The following DENND5A variants were observed in gnomAD, a reference collection of about 807,000 sequenced individuals.
DENND5A encodes the protein DENN domain-containing protein 5A.
DENND5A carries 64 observed loss-of-function variants against 140.3 expected under a neutral mutation model. The ratio of observed to expected loss-of-function variants is 0.46; its 90% CI spans 0.37 to 0.56. DENND5A has a LOEUF of 0.56. Ranked by LOEUF, DENND5A falls within the 20% of genes least tolerant of loss-of-function variation. DENND5A has a pLI of 0.00. For synonymous variants in DENND5A, 605 were observed against 607.7 expected (o/e 1.00, Z 0.07); for missense variants, 1,292 against 1,593.8 (o/e 0.81, Z 3.22).
At chr11:9,155,674 A>C (rs1444745381) in intron 12 of DENND5A, among the ~76,000 whole-genome samples, 1 of 152,256 alleles carries the variant, frequency 6.6e-6, no homozygotes, top group Non-Finnish European at 1.5e-5. Flanking sequence ...AGAATGTCAT[A>C]AGCAAGAAAG....
intron 5 of DENND5A, 105 bp from the exon 6 acceptor site, chr11:9,181,189 T>A: frequency 1.1e-6 from 1 of 919,278 alleles, no homozygotes; most frequent in East Asian, 2.6e-5. Context: ...ACACCTGAAA[T>A]GGCTATATTT....
At chr11:9,179,536 G>C (rs1265546369) in intron 6 of DENND5A, among the ~76,000 whole-genome samples, 1 of 122,092 alleles carries the variant, frequency 8.2e-6, no homozygotes, top group African/African-American at 3.1e-5. Context: ...TTTCGCTCTT[G>C]TTGCCCAGGC....
chr11:9,245,120 T>C (rs1851413096), intron 1 of DENND5A, among the ~76,000 whole-genome samples: 1 of 151,054 alleles, frequency 6.6e-6, no homozygotes, highest in South Asian at 2.1e-4. Flanking sequence ...CCGTTTCTAC[T>C]AAAAATACAA....
Position 9,197,311 on chromosome 11 carries a change from A to AT in DENND5A, c.950-3631_950-3630insA, listed in dbSNP as rs1414902500. On this transcript the variant is annotated intron_variant, in intron 4 of 22. Coordinates refer to ENST00000328194, the MANE Select transcript of DENND5A (RefSeq NM_015213.4). The stretch of plus-strand genomic sequence containing the variant: ...CAGAGTGAAACTCCATCTCAAAAAA[A>AT]ATATATATATATAGTGTATTATTAA... 8.8e-3 allele frequency among the ~76,000 whole-genome samples: 1,311 copies of AT among 149,212 alleles called. 15 individuals are homozygous for AT. The highest frequency in any genetic ancestry group is 0.014 in the Non-Finnish European group (949 of 67,484).
intron 4 of DENND5A, among the ~76,000 whole-genome samples, chr11:9,197,676 C>A (rs1488751322): frequency 2.0e-5 from 3 of 152,108 alleles, no homozygotes; most frequent in Non-Finnish European, 4.4e-5. Context: ...GCCTGGGCAA[C>A]AGAGCAAGAC....
chr11:9,169,865 G>T lies in DENND5A; in HGVS notation c.2142C>A (p.Asp714Glu). ...QHTEHLRLDN[D>E]QREKYIQEAR... The stretch of plus-strand genomic sequence containing the variant: ...TCTTAAGGTATCTTACCTCCCTCTG[G>T]TCATTATCTAAACGCAGGTGTTCTG... Residue 714 changes from aspartate (D) to glutamate (E), a missense_variant, in exon 10 of 23, where the codon GAC becomes GAA. Asp to Glu is a conservative substitution (Grantham distance 45). This residue lies in a region of DENND5A where 199 missense variants were observed against 189.1 expected (regional missense o/e 1.05). Coordinates refer to ENST00000328194, the MANE Select transcript of DENND5A (RefSeq NM_015213.4). 2 of 1,605,576 alleles carry T rather than the reference G, an allele frequency of 1.2e-6. No homozygotes were observed. The highest frequency in any genetic ancestry group is 1.7e-6 in the Non-Finnish European group (2 of 1,172,332).
intron 1 of DENND5A, among the ~76,000 whole-genome samples, chr11:9,226,497 TTTTTTGTTTTTG>T (rs1192030046): frequency 6.6e-6 from 1 of 152,208 alleles, no homozygotes; most frequent in Non-Finnish European, 1.5e-5. Context: ...ATCTTCAAGG[TTTTTTGTTTTTG>T]TTTTTGTTTT....
At chr11:9,197,908 C>T (rs2133215) in intron 4 of DENND5A, among the ~76,000 whole-genome samples, 24,707 of 152,086 alleles carry the variant, frequency 0.16, 2,222 homozygotes, top group Non-Finnish European at 0.21. Flanking sequence ...CAGTAAAAGA[C>T]TACTTTAGAT....
At chr11:9,185,846 A>G (rs1200217210) in intron 5 of DENND5A, among the ~76,000 whole-genome samples, 1 of 149,040 alleles carries the variant, frequency 6.7e-6, no homozygotes, top group Non-Finnish European at 1.5e-5. Context: ...GTGTGTGTGT[A>G]TCTGTGTCTG....
At chr11:9,210,063 C>G (rs1849823652) in intron 1 of DENND5A, among the ~76,000 whole-genome samples, 1 of 151,826 alleles carries the variant, frequency 6.6e-6, no homozygotes. Flanking sequence ...GCTGAGATCA[C>G]ACCATTATAC....
At chr11:9,196,142 G>C (rs984042114) in intron 4 of DENND5A, among the ~76,000 whole-genome samples, 6 of 152,048 alleles carry the variant, frequency 3.9e-5, no homozygotes, top group Non-Finnish European at 5.9e-5. Flanking sequence ...TAGTAGAGAA[G>C]GAGTTTCATC....
At chr11:9,181,835 ACT>A (rs1488385022) in intron 5 of DENND5A, among the ~76,000 whole-genome samples, 1 of 151,886 alleles carries the variant, frequency 6.6e-6, no homozygotes, top group Non-Finnish European at 1.5e-5. Flanking sequence ...TCCAGATTTG[ACT>A]CTGTTATGAT....
At chr11:9,178,068 GA>G (rs1848603368) in intron 8 of DENND5A, 63 bp downstream of exon 8, 1 of 1,137,108 alleles carries the variant, frequency 8.8e-7, no homozygotes, top group Middle Eastern at 1.9e-4. Flanking sequence ...GCATATTTAG[GA>G]AAAGGGACAT....
intron 1 of DENND5A, among the ~76,000 whole-genome samples, chr11:9,215,507 T>C (rs978005083): frequency 7.9e-5 from 12 of 152,040 alleles, no homozygotes; most frequent in Admixed American, 7.9e-4. Context: ...AGCTGTCCAA[T>C]TCATGGTCTT....
At chr11:9,171,555 G>C (rs1848373929) in intron 8 of DENND5A, 1 of 152,208 alleles carries the variant, frequency 6.6e-6, no homozygotes, top group Non-Finnish European at 1.5e-5. Flanking sequence ...AAAATTCACA[G>C]TGTCTGGCAT....
intron 1 of DENND5A, among the ~76,000 whole-genome samples, chr11:9,258,650 T>G (rs1476423504): frequency 2.6e-5 from 4 of 152,066 alleles, no homozygotes; most frequent in Non-Finnish European, 5.9e-5. Flanking sequence ...CCAGACAAAT[T>G]TTTTGCTTGT....
rs774059113 is a variant in DENND5A at position 9,204,115 on chromosome 11, T to G, written c.494A>C (p.His165Pro). The G allele has an allele frequency of 2.5e-6, 4 of 1,614,146 alleles. No individual in the cohort carries two copies. Among genetic ancestry groups the G allele is most frequent in the Non-Finnish European group, 3.4e-6 (4 of 1,179,998 alleles). Residue 165 changes from histidine to proline, a missense_variant, in exon 4 of 23, where the codon CAT (histidine) becomes CCT (proline). This residue lies in a region of DENND5A where 566 missense variants were observed against 650.4 expected (regional missense o/e 0.87). Coordinates refer to ENST00000328194, the MANE Select transcript of DENND5A (RefSeq NM_015213.4). ...HMHNAEYDVL[H>P]APPADDRDQS... is the part of the protein sequence containing the mutation. ...GTCTCTGTCATCAGCAGGGGGAGCA[T>G]GTAGGACATCATACTCAGCATTGTG...
chr11:9,139,630 G>A lies in DENND5A; in HGVS notation c.*41C>T, dbSNP rs772390319. ...TGGGAAAAAAGGTCAGAGCTGCAGG[G>A]TGAGTCTTTCTCAGTCCTGCTGCTG... On this transcript the variant is annotated 3_prime_UTR_variant, in exon 23 of 23. Coordinates refer to ENST00000328194, the MANE Select transcript of DENND5A (RefSeq NM_015213.4). 1.3e-6 allele frequency: 2 copies of A among 1,589,104 alleles called. No individual in the cohort carries two copies. The highest frequency in any genetic ancestry group is 3.5e-5 in the Admixed American group (2 of 57,948).
intron 1 of DENND5A, among the ~76,000 whole-genome samples, chr11:9,239,833 A>C (rs1157101922): frequency 6.6e-6 from 1 of 152,132 alleles, no homozygotes; most frequent in African/African-American, 2.4e-5. Context: ...TTCCTATCCC[A>C]AGAGTTCAAA....
Sources: gnomAD v4.1 joint callset for allele counts (sites outside exome capture counted in the v4.1 genomes callset) on GRCh38, gnomAD v4.1.1 for gene constraint, gnomAD v4.1.1 regional missense constraint, MANE v1.5 for transcripts, NCBI Gene and HGNC (gene_info 2026-07-23, HGNC 2026-07-21) for gene names.